The following RFX4 variants were observed in gnomAD, a reference collection of about 807,000 sequenced individuals.
The protein encoded by RFX4 is regulatory factor X4, also known as transcription factor RFX4.
A neutral mutation model predicts 95.0 loss-of-function variants in RFX4; 10 were observed. The ratio of observed to expected loss-of-function variants is 0.11; its 90% confidence interval spans 0.06 to 0.18. The LOEUF is 0.18. Ranked by LOEUF, RFX4 falls within the 10% of genes least tolerant of loss-of-function variation. The probability of loss-of-function intolerance (pLI) is 1.00; values close to 1 mark genes in which losing one functional copy is unlikely to be tolerated. For missense variants in RFX4, 640 were observed against 922.0 expected (o/e 0.69, Z 3.96); for synonymous variants, 321 against 340.7 (o/e 0.94, Z 0.64).
chr12:106,603,373 G>A (rs1054899516), intron 1 of RFX4, among the ~76,000 whole-genome samples: 1 of 152,182 alleles, frequency 6.6e-6, no homozygotes, highest in East Asian at 1.9e-4. Flanking sequence ...ATATGTACCC[G>A]AGAAAATAAC....
At chr12:106,635,422 T>C (rs1189772094) in intron 2 of RFX4, among the ~76,000 whole-genome samples, 1 of 152,016 alleles carries the variant, frequency 6.6e-6, no homozygotes, top group African/African-American at 2.4e-5. Context: ...AAGAGACTCT[T>C]GTGCCTTAGC....
At chr12:106,706,961 A>ATGTAC (rs1428562023) in intron 8 of RFX4, among the ~76,000 whole-genome samples, 3 of 152,238 alleles carry the variant, frequency 2.0e-5, no homozygotes, top group Non-Finnish European at 4.4e-5. Context: ...GTGTGTATAC[A>ATGTAC]TGTACACATA....
intron 15 of RFX4, among the ~76,000 whole-genome samples, chr12:106,735,304 C>T (rs939231168): frequency 6.6e-6 from 1 of 151,946 alleles, no homozygotes; most frequent in Non-Finnish European, 1.5e-5. Context: ...CTGATAAACT[C>T]AGAAATTCTA....
At chr12:106,736,847 C>T (rs2042717814) in intron 15 of RFX4, among the ~76,000 whole-genome samples, 1 of 152,152 alleles carries the variant, frequency 6.6e-6, no homozygotes, top group Non-Finnish European at 1.5e-5. Context: ...TGCCTCCAGA[C>T]TCTACTCTGT....
chr12:106,742,343 C>G (rs1046317148), intron 15 of RFX4, among the ~76,000 whole-genome samples: 7 of 152,136 alleles, frequency 4.6e-5, no homozygotes, highest in African/African-American at 1.4e-4. Context: ...CACACCACCA[C>G]ACCCAGCTTT....
chr12:106,611,357 T>C (rs1295412309), intron 2 of RFX4, among the ~76,000 whole-genome samples: 1 of 152,168 alleles, frequency 6.6e-6, no homozygotes, highest in Non-Finnish European at 1.5e-5. Context: ...TCTGTGCCTT[T>C]AGTGTCATAT....
intron 7 of RFX4, among the ~76,000 whole-genome samples, chr12:106,691,994 TA>T (rs2041793706): frequency 6.6e-6 from 1 of 152,048 alleles, no homozygotes; most frequent in South Asian, 2.1e-4. Flanking sequence ...TCATCTCTAC[TA>T]AAAATACAAA....
chr12:106,614,763 C>T (rs2040040017), intron 2 of RFX4, among the ~76,000 whole-genome samples: 1 of 152,076 alleles, frequency 6.6e-6, no homozygotes, highest in African/African-American at 2.4e-5. Flanking sequence ...CCCGCCTTGG[C>T]CTCCCAAAGT....
chr12:106,749,257 CAAAAAA>C (rs1162244017), intron 16 of RFX4, among the ~76,000 whole-genome samples: 1 of 49,252 alleles, frequency 2.0e-5, no homozygotes, highest in Non-Finnish European at 4.6e-5. Flanking sequence ...TACTCCAACT[CAAAAAA>C]AAAAAAAAAA....
At chr12:106,639,297 T>C (rs1352559679) in intron 2 of RFX4, 35 bp from the exon 3 acceptor site, 2 of 1,591,378 alleles carry the variant, frequency 1.3e-6, no homozygotes, top group South Asian at 2.3e-5. Flanking sequence ...TACTGTTTCC[T>C]ACTGAAGTTA....
chr12:106,694,827 G>C (rs950377050), intron 7 of RFX4, among the ~76,000 whole-genome samples: 2 of 152,052 alleles, frequency 1.3e-5, no homozygotes, highest in Non-Finnish European at 1.5e-5. Context: ...CTGAGGTCAG[G>C]TACTCGAGAC....
chr12:106,626,585 T>C (rs984333397), intron 2 of RFX4, among the ~76,000 whole-genome samples: 1 of 152,124 alleles, frequency 6.6e-6, no homozygotes, highest in Admixed American at 6.5e-5. Flanking sequence ...ATCAAAGTGG[T>C]GTTTTCAGAA....
rs572701868 is a variant in RFX4 at position 106,654,113 on chromosome 12, G to T, written c.192-115G>T. On this transcript the variant is annotated intron_variant, in intron 3 of 17. Transcript: ENST00000392842. ...TTCCTGGGCCCCAGCTTCTCCACCT[G>T]TAGAAAGAACGTTATTTCTAAGGAC... 3 of 1,414,268 alleles carry T rather than the reference G, an allele frequency of 2.1e-6. No homozygotes were observed. The East Asian group carries it at 6.9e-5, about 32-fold the overall frequency. The allele number at this position is 1,414,268 out of a possible 1,614,324, so 87.6% of individuals were successfully genotyped here.
chr12:106,696,770 T>C (rs949039868), intron 8 of RFX4, among the ~76,000 whole-genome samples: 1 of 151,630 alleles, frequency 6.6e-6, no homozygotes, highest in African/African-American at 2.4e-5. Context: ...TGTCCAGATC[T>C]GATATGCACA....
At chr12:106,751,901 G>A (rs1327798304) in intron 17 of RFX4, among the ~76,000 whole-genome samples, 1 of 148,204 alleles carries the variant, frequency 6.7e-6, no homozygotes, top group African/African-American at 2.5e-5. Flanking sequence ...TGTTCACTCT[G>A]ATGGTAGTTT....
chr12:106,731,928 T>TA (rs1206721495), intron 13 of RFX4, among the ~76,000 whole-genome samples: 1 of 152,206 alleles, frequency 6.6e-6, no homozygotes, highest in Non-Finnish European at 1.5e-5. Flanking sequence ...TAATGACACT[T>TA]ACCTTATGCC....
intron 15 of RFX4, among the ~76,000 whole-genome samples, chr12:106,735,344 G>C (rs2042690860): frequency 6.6e-6 from 1 of 152,032 alleles, no homozygotes; most frequent in Admixed American, 6.6e-5. Context: ...TCCAGAGAAA[G>C]AATAGAGAGA....
intron 2 of RFX4, among the ~76,000 whole-genome samples, chr12:106,623,037 C>CTTTTTTTTT (rs143790292): frequency 8.3e-6 from 1 of 120,364 alleles, no homozygotes; most frequent in African/African-American, 3.3e-5. Flanking sequence ...CAGCATTAGT[C>CTTTTTTTTT]TTTTTTTTTT....
intron 15 of RFX4, among the ~76,000 whole-genome samples, chr12:106,735,133 AAT>A (rs1264713842): frequency 6.6e-6 from 1 of 151,974 alleles, no homozygotes; most frequent in Admixed American, 6.6e-5. Flanking sequence ...TTCAAAAGGA[AAT>A]ATATAATTGT....
Sources: gnomAD v4.1 joint callset for allele counts (sites outside exome capture counted in the v4.1 genomes callset) on GRCh38, gnomAD v4.1.1 for gene constraint, MANE v1.5 for transcripts, NCBI Gene and HGNC (gene_info 2026-07-23, HGNC 2026-07-21) for gene names.